The following CHRNE variants were observed in gnomAD, a reference collection of about 807,000 sequenced individuals.
The protein encoded by CHRNE is cholinergic receptor nicotinic epsilon subunit.
A neutral mutation model predicts 56.5 loss-of-function variants in CHRNE; 58 were observed. The ratio of observed to expected loss-of-function variants is 1.03; its 90% CI spans 0.83 to 1.28. The LOEUF (loss-of-function observed/expected upper bound fraction) is 1.28, where lower values mean the gene tolerates loss of function less well. Ranked by LOEUF, CHRNE falls within the 50% of genes most tolerant of loss-of-function variation. The probability of loss-of-function intolerance (pLI) is 0.00; values close to 1 mark genes in which losing one functional copy is unlikely to be tolerated. For synonymous variants in CHRNE, 385 were observed against 297.9 expected (o/e 1.29, Z -3.01); for missense variants, 793 against 688.9 (o/e 1.15, Z -1.69).
chr17:4,907,623 C>G (rs1970108606), upstream of CHRNE, among the ~76,000 whole-genome samples: 1 of 150,608 alleles, frequency 6.6e-6, no homozygotes, highest in Non-Finnish European at 1.5e-5. Flanking sequence ...GTCCCCTGCT[C>G]TAAGTAGTTT....
In CHRNE at chr17:4,898,379, CT is replaced by C. The variant is rs1396342562; in HGVS notation, c.*356del. On this transcript the variant is annotated 3_prime_UTR_variant, in exon 12 of 12. Coordinates refer to ENST00000649488, the MANE Select transcript of CHRNE (RefSeq NM_000080.4). ...CTGTGTGCAAGTCCTGCAAAGGGGT[CT>C]CCTGTTTGGCTATGAAATGAATATA... The C allele has an allele frequency of 1.8e-4, 63 of 352,742 alleles. No homozygotes were observed. Among genetic ancestry groups the C allele is most frequent in the Admixed American group, 1.0e-3 (25 of 24,536 alleles). The allele number at this position is 352,742 out of a possible 1,614,324, so 21.9% of individuals were successfully genotyped here. A position where few individuals can be genotyped will look rare whatever the true frequency, so the allele number is the denominator to read the frequency against.
rs1567636493 is a variant in CHRNE at position 4,899,317 on chromosome 17, GAGGCGGCCCGGGGGGCCTC to G, written c.1081_1099del (p.Glu361ArgfsTer18). The G allele has an allele frequency of 6.4e-7, 1 of 1,570,492 alleles. No homozygotes were observed. Among genetic ancestry groups the G allele is most frequent in the Non-Finnish European group, 8.6e-7 (1 of 1,165,102 alleles). ...CACCGACGACGCCCGCCTTGGGGGCGAGGCGGCCCGGGGGGCCTCGGGCGGCGGCGGGGAGCCCAGGAGG... is the reference window on the plus strand; with the variant it reads ...CACCGACGACGCCCGCCTTGGGGGCGGGGCGGCGGCGGGGAGCCCAGGAGG... On this transcript the variant is annotated frameshift_variant, in exon 10 of 12. Transcript: ENST00000649488. LOFTEE classifies it high-confidence loss of function.
At chr17:4,905,742 T>C (rs548374186), upstream of CHRNE, among the ~76,000 whole-genome samples, 1 of 151,948 alleles carries the variant, frequency 6.6e-6, no homozygotes, top group East Asian at 1.9e-4. Context: ...GCACCTGTAA[T>C]CCCAGCTACT....
chr17:4,900,612 C>G, intron 8 of CHRNE, 181 bp downstream of exon 8: 1 of 1,523,430 alleles, frequency 6.6e-7, no homozygotes, highest in Admixed American at 2.0e-5. Flanking sequence ...CTCCAGGTGA[C>G]GTCCAGCAGC....
chr17:4,907,590 A>AAAAAAAAAAAAAAAAAAAAAAAAT (rs386627263), upstream of CHRNE, among the ~76,000 whole-genome samples: 1 of 124,918 alleles, frequency 8.0e-6, no homozygotes, highest in Non-Finnish European at 1.7e-5. Context: ...AAAAAAAAAA[A>AAAAAAAAAAAAAAAAAAAAAAAAT]CACTCTCAGC....
Position 4,898,637 on chromosome 17 carries a change from C to G in CHRNE, c.*99G>C, listed in dbSNP as rs1597612110. 1 of 1,463,592 alleles carries G rather than the reference C, an allele frequency of 6.8e-7. No homozygotes were observed. Among genetic ancestry groups the G allele is most frequent in the South Asian group, 1.2e-5 (1 of 82,014 alleles). 90.7% of individuals were successfully genotyped at this position (1,463,592 alleles called of 1,614,324 possible). ...TGAAGTTCACAAACTGCAGATTGAT[C>G]AGCAGGGGGAAGGGATCATAATGCC... On this transcript the variant is annotated 3_prime_UTR_variant, in exon 12 of 12. Coordinates refer to ENST00000649488, the MANE Select transcript of CHRNE (RefSeq NM_000080.4).
intron 8 of CHRNE, chr17:4,900,270 C>T (rs1206484290): frequency 6.5e-7 from 1 of 1,545,858 alleles, no homozygotes; most frequent in Non-Finnish European, 8.7e-7. Flanking sequence ...GGAGGCGCGG[C>T]GACTAGACGG....
chr17:4,899,869 T>A (rs1336070304), intron 8 of CHRNE: 5 of 1,542,994 alleles, frequency 3.2e-6, no homozygotes, highest in Non-Finnish European at 2.6e-6. Context: ...CGAGACCTTC[T>A]GGGTAGGTCT....
Position 4,899,396 on chromosome 17 carries a change from G to A in CHRNE, c.1033-12C>T, listed in dbSNP as rs1332892379. The A allele has an allele frequency of 6.5e-7, 1 of 1,535,378 alleles. No homozygotes were observed. Among genetic ancestry groups the A allele is most frequent in the South Asian group, 1.2e-5 (1 of 83,774 alleles). Reference sequence around the variant, plus strand: ...AGCTCCAGGAGAACCTGGGGCAGGGGCGGGGCTTAGGGGACGAGGTTAGTA... The same window carrying A: ...AGCTCCAGGAGAACCTGGGGCAGGGACGGGGCTTAGGGGACGAGGTTAGTA... On this transcript the variant is annotated splice_polypyrimidine_tract_variant and intron_variant, in intron 9 of 11. Transcript: ENST00000649488.
At chr17:4,901,724 C>T (rs1969992109) in intron 5 of CHRNE, 99 bp from the exon 6 acceptor site, 5 of 1,325,140 alleles carry the variant, frequency 3.8e-6, no homozygotes, top group African/African-American at 1.4e-5. Context: ...GCCGCGATCC[C>T]AAGCCCACCC....
At position 4,902,336 on chromosome 17, in the gene CHRNE, G is replaced by A. The variant is rs778566436; in HGVS notation, c.235-10C>T. ...GGTAATCCTGCCAATCCTAAGGGGTGGGGGATGGAAGGCCGCGTGCCCTGC... is the reference window on the plus strand; with the variant it reads ...GGTAATCCTGCCAATCCTAAGGGGTAGGGGATGGAAGGCCGCGTGCCCTGC... On this transcript the variant is annotated splice_polypyrimidine_tract_variant and intron_variant, in intron 3 of 11. Transcript: ENST00000649488. The surrounding 1 kb of genome is among the most constrained non-coding windows in gnomAD (Gnocchi z 4.0). 3.1e-6 allele frequency: 5 copies of A among 1,613,946 alleles called. No homozygotes were observed. The highest frequency in any genetic ancestry group is 3.3e-5 in the Admixed American group (2 of 60,010).
chr17:4,901,677 G>C, intron 5 of CHRNE, 52 bp from the exon 6 acceptor site: 1 of 1,545,736 alleles, frequency 6.5e-7, no homozygotes, highest in Non-Finnish European at 8.9e-7. Flanking sequence ...CTGGGCCCCG[G>C]CCTCAGGCCC....
rs1970014175 is a variant in CHRNE, at chr17:4,902,196, G to C, written c.344+21C>G. On this transcript the variant is annotated intron_variant, in intron 4 of 11. Coordinates refer to ENST00000649488, the MANE Select transcript of CHRNE (RefSeq NM_000080.4). The surrounding 1 kb of genome is among the most constrained non-coding windows in gnomAD (Gnocchi z 4.0). The stretch of plus-strand genomic sequence containing the variant: ...CCCCAGGCCGGCTTCCCTCCAGCCT[G>C]GCGTCTGGCCCGGTTCTCACTTGTT... 6.2e-7 allele frequency: 1 copy of C among 1,613,892 alleles called. No individual in the cohort carries two copies. The highest frequency in any genetic ancestry group is 1.3e-5 in the African/African-American group (1 of 74,908).
In CHRNE at chr17:4,902,540, G is replaced by C. The variant is rs1970026842; in HGVS notation, c.190-46C>G. ...TGATTGAAGTGAGATTTCAGGGCCA[G>C]AAGTGAGCTTTAGGACAGAGCTCAG... On this transcript the variant is annotated intron_variant, in intron 2 of 11. Transcript: ENST00000649488. This position sits in a 1 kb window ranked among gnomAD's most constrained non-coding sequence, Gnocchi z 4.0. The C allele has an allele frequency of 5.6e-6, 9 of 1,614,114 alleles. No individual in the cohort carries two copies. The highest frequency in any genetic ancestry group is 7.6e-6 in the Non-Finnish European group (9 of 1,179,964).
chr17:4,901,582 C>T lies in CHRNE; in HGVS notation c.544G>A (p.Val182Ile). 2 of 1,614,160 alleles carry T rather than the reference C, an allele frequency of 1.2e-6. No homozygotes were observed. The highest frequency in any genetic ancestry group is 1.7e-6 in the Non-Finnish European group (2 of 1,179,996). ...NAEEVEFTFA[V>I]DNDGKTINKI... ...TTGATGGTCTTGCCGTCGTTGTCTA[C>T]GGCAAAAGTGAACTCCACCTCTTCG... Residue 182 changes from valine to isoleucine, a missense_variant, in exon 6 of 12, where the codon GTA becomes ATA. Transcript: ENST00000649488.
At position 4,899,731 on chromosome 17, in the gene CHRNE, G is replaced by A. The variant is rs971778405; in HGVS notation, c.918-149C>T. On this transcript the variant is annotated intron_variant, in intron 8 of 11. Coordinates refer to ENST00000649488, the MANE Select transcript of CHRNE (RefSeq NM_000080.4). The stretch of plus-strand genomic sequence containing the variant: ...TACACGACGACAGACGCGTCCCCCA[G>A]CCCTTCTCCTGTCCTACCACTTGTG... The A allele has an allele frequency of 9.1e-6, 14 of 1,543,410 alleles. No individual in the cohort carries two copies. In the African/African-American group the frequency reaches 1.8e-4, roughly 20 times the overall value.
Position 4,900,784 on chromosome 17 carries a change from C to A in CHRNE, c.917+9G>T, listed in dbSNP as rs754325287. ...ACTGGCCACACCCCCGCGGGGGCTC[C>A]GGCTTCACCTGCCCAGGAGCGGCAC... On this transcript the variant is annotated intron_variant, in intron 8 of 11. Transcript: ENST00000649488. The A allele has an allele frequency of 3.1e-6, 5 of 1,611,610 alleles. No homozygotes were observed. Among genetic ancestry groups the A allele is most frequent in the Admixed American group, 1.7e-5 (1 of 59,742 alleles).
At position 4,902,065 on chromosome 17, in the gene CHRNE, C is replaced by A; in HGVS notation, c.367G>T (p.Ala123Ser). Residue 123 changes from alanine to serine, a missense_variant, in exon 5 of 12, where the codon GCC becomes TCC. Coordinates refer to ENST00000649488, the MANE Select transcript of CHRNE (RefSeq NM_000080.4). The surrounding 1 kb of genome is among the most constrained non-coding windows in gnomAD (Gnocchi z 4.0). ...TAGACGAGCACGTTGGCGTCGTAGGCCACTCCGAACTGGCCATCAATACTG... is the reference window on the plus strand; with the variant it reads ...TAGACGAGCACGTTGGCGTCGTAGGACACTCCGAACTGGCCATCAATACTG... ...ENNIDGQFGV[A>S]YDANVLVYEG... 1 of 1,614,080 alleles carries A rather than the reference C, an allele frequency of 6.2e-7. No individual in the cohort carries two copies. The highest frequency in any genetic ancestry group is 8.5e-7 in the Non-Finnish European group (1 of 1,180,038).
intron 8 of CHRNE, 37 bp downstream of exon 8, chr17:4,900,756 C>T: frequency 6.3e-7 from 1 of 1,589,574 alleles, no homozygotes; most frequent in South Asian, 1.1e-5. Flanking sequence ...CCCCACCCTT[C>T]ACACTGGCCA....
Sources: gnomAD v4.1 joint callset for allele counts (sites outside exome capture counted in the v4.1 genomes callset) on GRCh38, gnomAD v4.1.1 for gene constraint, Gnocchi (gnomAD v3.1) non-coding constraint, MANE v1.5 for transcripts, NCBI Gene and HGNC (gene_info 2026-07-23, HGNC 2026-07-21) for gene names.